Variants in CNTNAP5 observed in about 807,000 individuals in gnomAD.
The protein encoded by CNTNAP5 is contactin associated protein family member 5, also known as contactin-associated protein-like 5.
CNTNAP5 carries 72 observed loss-of-function variants against 150.2 expected under a neutral mutation model. That is an observed-to-expected ratio of 0.48 (90% CI 0.40 to 0.58). CNTNAP5 has a LOEUF of 0.58. Ranked by LOEUF, CNTNAP5 falls within the 20% of genes least tolerant of loss-of-function variation. The pLI is 0.00. For missense variants in CNTNAP5, 1,636 were observed against 1,626.2 expected, an observed-to-expected ratio of 1.01 and a Z score of -0.10; for synonymous variants, 672 against 619.8, an observed-to-expected ratio of 1.08 and a Z score of -1.25.
At chr2:124,564,712 T>A (rs960310017) in intron 11 of CNTNAP5, among the ~76,000 whole-genome samples, 7 of 152,142 alleles carry the variant, frequency 4.6e-5, no homozygotes, top group Non-Finnish European at 8.8e-5. Context: ...GGGAAACACA[T>A]GAAAAAGTAT....
At chr2:124,205,593 AT>A (rs1412191432) in intron 1 of CNTNAP5, among the ~76,000 whole-genome samples, 6 of 151,726 alleles carry the variant, frequency 4.0e-5, no homozygotes, top group African/African-American at 1.5e-4. Flanking sequence ...TAATTTTTGT[AT>A]TTTTAGTAGA....
chr2:124,457,514 CT>C (rs574342932), intron 6 of CNTNAP5, among the ~76,000 whole-genome samples: 101 of 151,916 alleles, frequency 6.6e-4, no homozygotes, highest in African/African-American at 1.1e-3. Flanking sequence ...AGACAATTCT[CT>C]TTTTTTTATT....
chr2:124,908,176 G>T (rs1678577841), intron 22 of CNTNAP5, among the ~76,000 whole-genome samples: 1 of 151,868 alleles, frequency 6.6e-6, no homozygotes. Flanking sequence ...TTTGAGACCA[G>T]CCTGACCAAC....
At chr2:124,215,650 T>C (rs1372484994) in intron 1 of CNTNAP5, among the ~76,000 whole-genome samples, 1 of 149,482 alleles carries the variant, frequency 6.7e-6, no homozygotes, top group Non-Finnish European at 1.5e-5. Flanking sequence ...TTGTTTGACT[T>C]CTGCCCCCTG....
At chr2:124,424,575 A>T (rs2104785055) in intron 4 of CNTNAP5, among the ~76,000 whole-genome samples, 1 of 152,354 alleles carries the variant, frequency 6.6e-6, no homozygotes, top group South Asian at 2.1e-4. Context: ...AATCTCTTCT[A>T]TGAAGAGACA....
chr2:124,802,554 G>A (rs1240782284), intron 19 of CNTNAP5, among the ~76,000 whole-genome samples: 1 of 152,292 alleles, frequency 6.6e-6, no homozygotes, highest in African/African-American at 2.4e-5. Flanking sequence ...ACCTAGGGCT[G>A]TGGCCACAGA....
In CNTNAP5 at chr2:124,365,612, T is replaced by G. The variant is rs79262047; in HGVS notation, c.382-51831T>G. ...ACCATTGGGAAGCAGAGCAAAAGATTTGCTGTAATTCCTTAGACCTGAATT... is the reference window on the plus strand; with the variant it reads ...ACCATTGGGAAGCAGAGCAAAAGATGTGCTGTAATTCCTTAGACCTGAATT... On this transcript the variant is annotated intron_variant, in intron 3 of 23. Coordinates refer to ENST00000682447, the MANE Select transcript of CNTNAP5 (RefSeq NM_001367498.1). Among the ~76,000 whole-genome samples, 461 of 152,266 alleles carry G rather than the reference T, an allele frequency of 3.0e-3. 4 individuals are homozygous for G. Among genetic ancestry groups the G allele is most frequent in the African/African-American group, 0.011 (438 of 41,550 alleles).
chr2:124,740,333 G>A (rs1335120302), intron 13 of CNTNAP5, among the ~76,000 whole-genome samples: 1 of 152,064 alleles, frequency 6.6e-6, no homozygotes, highest in East Asian at 1.9e-4. Context: ...CTGAATGCAT[G>A]GGTAAGTGGC....
chr2:124,869,999 G>C (rs1048971991), intron 21 of CNTNAP5, among the ~76,000 whole-genome samples: 2 of 151,902 alleles, frequency 1.3e-5, no homozygotes, highest in Non-Finnish European at 2.9e-5. Context: ...AAATAATTTA[G>C]CAGAATACTT....
At chr2:124,680,026 C>T (rs1679030671) in intron 13 of CNTNAP5, among the ~76,000 whole-genome samples, 1 of 151,720 alleles carries the variant, frequency 6.6e-6, no homozygotes, top group South Asian at 2.1e-4. Context: ...CTATGGATAC[C>T]CTGTTTTCCA....
intron 7 of CNTNAP5, among the ~76,000 whole-genome samples, chr2:124,491,058 A>G (rs1694012193): frequency 6.6e-6 from 1 of 152,164 alleles, no homozygotes; most frequent in Non-Finnish European, 1.5e-5. Flanking sequence ...TTCAAGGTGT[A>G]CAATGTGATA....
At position 124,551,921 on chromosome 2, in the gene CNTNAP5, G is replaced by T. The variant is rs146147100; in HGVS notation, c.1650-11296G>T. On this transcript the variant is annotated intron_variant, in intron 10 of 23. Coordinates refer to ENST00000682447, the MANE Select transcript of CNTNAP5 (RefSeq NM_001367498.1). Reference sequence around the variant, plus strand: ...TTTTAAGCGATGATTTTCTCAAGATGTGTTCAGGTTGAAGATTTTTTTAAG... The same window carrying T: ...TTTTAAGCGATGATTTTCTCAAGATTTGTTCAGGTTGAAGATTTTTTTAAG... 6.1e-3 allele frequency among the ~76,000 whole-genome samples: 926 copies of T among 152,192 alleles called. 1 individual carries two copies. The highest frequency in any genetic ancestry group is 0.027 in the Middle Eastern group (8 of 294).
At chr2:124,791,963 C>G (rs956930400) in intron 18 of CNTNAP5, among the ~76,000 whole-genome samples, 1 of 152,020 alleles carries the variant, frequency 6.6e-6, no homozygotes, top group African/African-American at 2.4e-5. Flanking sequence ...AGTAAGATGG[C>G]CTTTTTAGTC....
intron 16 of CNTNAP5, among the ~76,000 whole-genome samples, chr2:124,766,120 A>G (rs138827043): frequency 5.3e-4 from 80 of 152,258 alleles, no homozygotes; most frequent in African/African-American, 1.8e-3. Context: ...ATTTTTAGTG[A>G]CGTTTGCTAT....
chr2:124,239,045 G>A (rs1686818989), intron 2 of CNTNAP5, among the ~76,000 whole-genome samples: 2 of 152,186 alleles, frequency 1.3e-5, no homozygotes, highest in African/African-American at 4.8e-5. Context: ...TTAACATGAT[G>A]TGTTGATGAA....
At chr2:124,475,315 G>A (rs558348244) in intron 7 of CNTNAP5, among the ~76,000 whole-genome samples, 11 of 152,134 alleles carry the variant, frequency 7.2e-5, no homozygotes, top group Non-Finnish European at 1.5e-4. Flanking sequence ...TAAACTTTTA[G>A]TGTGTTTGAG....
chr2:124,446,627 G>C, intron 5 of CNTNAP5, 126 bp from the exon 6 acceptor site: 1 of 887,540 alleles, frequency 1.1e-6, no homozygotes, highest in East Asian at 2.7e-5. Context: ...CACAGTTCCA[G>C]GCCTGTAGGG....
At chr2:124,124,394 C>T (rs1683636966) in intron 1 of CNTNAP5, among the ~76,000 whole-genome samples, 1 of 152,098 alleles carries the variant, frequency 6.6e-6, no homozygotes, top group Non-Finnish European at 1.5e-5. Context: ...ACAAAGCCTC[C>T]AAGAAATATG....
At chr2:124,631,299 G>A (rs1677855482) in intron 12 of CNTNAP5, among the ~76,000 whole-genome samples, 2 of 152,082 alleles carry the variant, frequency 1.3e-5, no homozygotes, top group Admixed American at 1.3e-4. Flanking sequence ...AAAGCTGGAG[G>A]TATCATGCTA....
Sources: allele counts gnomAD v4.1 joint callset (sites outside exome capture counted in the v4.1 genomes callset), GRCh38; gene constraint gnomAD v4.1.1; transcripts MANE v1.5; gene names NCBI Gene and HGNC (gene_info 2026-07-23, HGNC 2026-07-21).